The following PLAC8L1 variants were observed in gnomAD, a reference collection of about 807,000 sequenced individuals.
PLAC8L1 encodes PLAC8-like protein 1.
PLAC8L1 carries 13 observed loss-of-function variants against 16.3 expected under a neutral mutation model. That is an observed-to-expected ratio of 0.80 (90% CI 0.52 to 1.27). PLAC8L1 has a LOEUF of 1.27. Ranked by LOEUF, PLAC8L1 falls within the 50% of genes most tolerant of loss-of-function variation. The pLI is 0.00. For missense variants in PLAC8L1, 184 were observed against 220.2 expected, an observed-to-expected ratio of 0.84 and a Z score of 1.04; for synonymous variants, 78 against 79.3, an observed-to-expected ratio of 0.98 and a Z score of 0.09.
intron 2 of PLAC8L1, among the ~76,000 whole-genome samples, chr5:146,089,622 T>C (rs1287491558): frequency 1.3e-5 from 2 of 152,136 alleles, no homozygotes; most frequent in Non-Finnish European, 2.9e-5. Flanking sequence ...TCATGTTTTA[T>C]GTATTTATCT....
chr5:146,090,440 T>C (rs1048854491), intron 2 of PLAC8L1, among the ~76,000 whole-genome samples: 1 of 151,346 alleles, frequency 6.6e-6, no homozygotes, highest in Non-Finnish European at 1.5e-5. Flanking sequence ...GAGGTTGAGG[T>C]GGAAGAATCC....
intron 2 of PLAC8L1, among the ~76,000 whole-genome samples, chr5:146,097,229 A>G (rs1763732663): frequency 6.6e-6 from 1 of 152,196 alleles, no homozygotes; most frequent in Non-Finnish European, 1.5e-5. Flanking sequence ...AAATAGAATC[A>G]ATGAGCTTTG....
intron 2 of PLAC8L1, among the ~76,000 whole-genome samples, chr5:146,094,195 G>A (rs1158285939): frequency 1.3e-5 from 2 of 152,122 alleles, no homozygotes; most frequent in African/African-American, 4.8e-5. Context: ...AGATTCTCCT[G>A]CCTCAGCCTC....
intron 2 of PLAC8L1, among the ~76,000 whole-genome samples, chr5:146,092,720 T>C (rs1288946072): frequency 6.6e-6 from 1 of 151,970 alleles, no homozygotes; most frequent in East Asian, 1.9e-4. Context: ...GTATTTTTAG[T>C]AGAGACGGGG....
chr5:146,093,817 C>T (rs567687681), intron 2 of PLAC8L1, among the ~76,000 whole-genome samples: 1 of 152,240 alleles, frequency 6.6e-6, no homozygotes, highest in South Asian at 2.1e-4. Flanking sequence ...CTTTCTTCTT[C>T]CTACCTTGGG....
intron 2 of PLAC8L1, among the ~76,000 whole-genome samples, chr5:146,088,576 G>A (rs1382512229): frequency 6.6e-6 from 1 of 152,150 alleles, no homozygotes. Context: ...AATAGTGGAT[G>A]AAGTAGCACA....
In PLAC8L1 at chr5:146,104,246, T is replaced by C; in HGVS notation, c.66A>G (p.Ser22=). The C allele has an allele frequency of 6.2e-7, 1 of 1,613,826 alleles. No individual in the cohort carries two copies. The highest frequency in any genetic ancestry group is 1.3e-5 in the African/African-American group (1 of 75,016). The change falls in exon 1 of 4, where the codon TCA becomes TCG. Residue 22 remains serine, a synonymous_variant. Coordinates refer to ENST00000311450, the MANE Select transcript of PLAC8L1 (RefSeq NM_001029869.3). ...PEDLSLLNIY[S]PLLSHMSSED... Reference sequence around the variant, plus strand: ...CAGATGACATGTGTGACAACAGAGGTGAGTATATGTTGAGTAAGGAAAGAT... The same window carrying C: ...CAGATGACATGTGTGACAACAGAGGCGAGTATATGTTGAGTAAGGAAAGAT...
chr5:146,093,870 G>A (rs550305539), intron 2 of PLAC8L1, among the ~76,000 whole-genome samples: 1 of 152,052 alleles, frequency 6.6e-6, no homozygotes, highest in Non-Finnish European at 1.5e-5. Context: ...TTACTGCCTG[G>A]TGCTTACAAT....
chr5:146,086,346 A>G (rs1763518538), intron 2 of PLAC8L1, among the ~76,000 whole-genome samples: 1 of 152,168 alleles, frequency 6.6e-6, no homozygotes. Context: ...CTTTTATAGT[A>G]CACTAATTCT....
In PLAC8L1 at chr5:146,104,180, C is replaced by T. The variant is rs1232308206; in HGVS notation, c.119+13G>A. 1 of 1,612,534 alleles carries T rather than the reference C, an allele frequency of 6.2e-7. No homozygotes were observed. The highest frequency in any genetic ancestry group is 2.2e-5 in the East Asian group (1 of 44,776). ...GAGCAAAAGCTAGGGGAAAAACTCA[C>T]CCTATTCCCTACCTCAAGTTGGAAA... On this transcript the variant is annotated intron_variant, in intron 1 of 3. Transcript: ENST00000311450.
In PLAC8L1 at chr5:146,104,199, T is replaced by C. The variant is rs1264233281; in HGVS notation, c.113A>G (p.Asn38Ser). The change falls in exon 1 of 4, where the codon AAC becomes AGC. Residue 38 changes from asparagine to serine, a missense_variant. By Grantham distance (46) the Asn-to-Ser change is conservative. Transcript: ENST00000311450. ...AACTCACCCTATTCCCTACCTCAAG[T>C]TGGAAATAAAATGTTCATCTTCAGA... is the stretch of plus-strand genomic sequence containing the variant. ...MSSEDEHFISNLRGHVPASAV... is the reference protein window; with the variant it reads ...MSSEDEHFISSLRGHVPASAV... 6.2e-7 allele frequency: 1 copy of C among 1,613,468 alleles called. No homozygotes were observed. The highest frequency in any genetic ancestry group is 8.5e-7 in the Non-Finnish European group (1 of 1,179,660).
rs1376940482 is a variant in PLAC8L1, at chr5:146,095,686, CCCTT to C, written c.256+2466_256+2469del. On this transcript the variant is annotated intron_variant, in intron 2 of 3. Coordinates refer to ENST00000311450, the MANE Select transcript of PLAC8L1 (RefSeq NM_001029869.3). ...CCCAATAGTAAATTTAGGAAATTAT[CCCTT>C]CCTTATTATGCACCATATTGGTAGG... is the stretch of plus-strand genomic sequence containing the variant. 9.9e-5 allele frequency among the ~76,000 whole-genome samples: 15 copies of C among 152,202 alleles called. No homozygotes were observed. The South Asian group carries it at 1.0e-3, about 11-fold the overall frequency.
rs1346016453 is a variant in PLAC8L1, at chr5:146,104,200, T to A, written c.112A>T (p.Asn38Tyr). 2 of 1,613,432 alleles carry A rather than the reference T, an allele frequency of 1.2e-6. No individual in the cohort carries two copies. Among genetic ancestry groups the A allele is most frequent in the African/African-American group, 2.7e-5 (2 of 74,916 alleles). The change falls in exon 1 of 4, where the codon AAC becomes TAC. Residue 38 changes from asparagine to tyrosine, a missense_variant. Transcript: ENST00000311450. ...MSSEDEHFIS[N>Y]LRGHVPASAV... ...ACTCACCCTATTCCCTACCTCAAGT[T>A]GGAAATAAAATGTTCATCTTCAGAT... is the stretch of plus-strand genomic sequence containing the variant.
At chr5:146,090,286 C>T (rs1763589707) in intron 2 of PLAC8L1, among the ~76,000 whole-genome samples, 1 of 152,030 alleles carries the variant, frequency 6.6e-6, no homozygotes, top group African/African-American at 2.4e-5. Context: ...GTAATCCCAA[C>T]ACTTTGAGAG....
chr5:146,097,259 A>G (rs532773757), intron 2 of PLAC8L1, among the ~76,000 whole-genome samples: 1 of 152,270 alleles, frequency 6.6e-6, no homozygotes, highest in Non-Finnish European at 1.5e-5. Context: ...CCCAGGGGGG[A>G]ATCATGTAGC....
At chr5:146,096,581 A>C (rs1281754482) in intron 2 of PLAC8L1, among the ~76,000 whole-genome samples, 1 of 152,224 alleles carries the variant, frequency 6.6e-6, no homozygotes, top group East Asian at 1.9e-4. Flanking sequence ...TAAGAGCCAG[A>C]GTTAGGATTC....
At chr5:146,089,668 C>G (rs1447890653) in intron 2 of PLAC8L1, among the ~76,000 whole-genome samples, 2 of 151,378 alleles carry the variant, frequency 1.3e-5, no homozygotes, top group Admixed American at 6.6e-5. Context: ...GTGTGCTAGA[C>G]AGTAGACAGT....
Position 146,098,212 on chromosome 5 carries a change from T to C in PLAC8L1, c.200A>G (p.Gln67Arg). The C allele has an allele frequency of 6.2e-7, 1 of 1,614,176 alleles. No individual in the cohort carries two copies. Among genetic ancestry groups the C allele is most frequent in the South Asian group, 1.1e-5 (1 of 91,068 alleles). Residue 67 changes from glutamine (Q) to arginine (R), a missense_variant, in exon 2 of 4, where the codon CAG (glutamine) becomes CGG (arginine). Gln to Arg is a conservative substitution (Grantham distance 43). Transcript: ENST00000311450. ...ACCGGTGCTCCAGCCCCCGCCAGTCTGGACAATTGCTGTGATTGTCGTCCT... is the reference window on the plus strand; with the variant it reads ...ACCGGTGCTCCAGCCCCCGCCAGTCCGGACAATTGCTGTGATTGTCGTCCT... ...SGRTTITAIV[Q>R]TGGGWSTGLF...
intron 2 of PLAC8L1, among the ~76,000 whole-genome samples, chr5:146,095,831 A>G (rs1763709807): frequency 6.6e-6 from 1 of 152,192 alleles, no homozygotes; most frequent in South Asian, 2.1e-4. Context: ...CACAAGGATA[A>G]AAACATTTAA....
Sources: gnomAD v4.1 joint callset for allele counts (sites outside exome capture counted in the v4.1 genomes callset) on GRCh38, gnomAD v4.1.1 for gene constraint, MANE v1.5 for transcripts, NCBI Gene and HGNC (gene_info 2026-07-23, HGNC 2026-07-21) for gene names.